Variants in GAN observed in about 807,000 individuals in gnomAD.
GAN encodes the protein gigaxonin, also known as epididymis secretory sperm binding protein.
In GAN, 48 loss-of-function variants were observed where a neutral mutation model predicts 71.3. The ratio of observed to expected loss-of-function variants is 0.67; its 90% CI spans 0.53 to 0.86. The LOEUF (loss-of-function observed/expected upper bound fraction) is 0.86. Among genes scored for constraint, GAN ranks in the 40% least tolerant of loss-of-function variants. The probability of loss-of-function intolerance (pLI) is 0.00; values close to 1 mark genes in which losing one functional copy is unlikely to be tolerated. For synonymous variants in GAN, 386 were observed against 276.8 expected (o/e 1.39, Z -3.92); for missense variants, 928 against 770.1 (o/e 1.21, Z -2.43).
At chr16:81,348,537 G>A (rs1910196227) in intron 1 of GAN, among the ~76,000 whole-genome samples, 1 of 152,160 alleles carries the variant, frequency 6.6e-6, no homozygotes, top group South Asian at 2.1e-4. Context: ...GCAAGTATGT[G>A]AAGATACTGA....
chr16:81,321,611 G>A (rs1485130240), intron 1 of GAN, among the ~76,000 whole-genome samples: 1 of 152,062 alleles, frequency 6.6e-6, no homozygotes, highest in Non-Finnish European at 1.5e-5. Flanking sequence ...TATCAAAGTG[G>A]GACTTAAAAT....
In GAN at chr16:81,365,125, G is replaced by C. The variant is rs747810834; in HGVS notation, c.1373+15G>C. ...AAAGAGAGGAGGTACGTGGCTGTGG[G>C]GTGGACTTTGTAGATTCCCTTGCTG... On this transcript the variant is annotated intron_variant, in intron 8 of 10. Coordinates refer to ENST00000648994, the MANE Select transcript of GAN (RefSeq NM_022041.4). 1 of 1,612,634 alleles carries C rather than the reference G, an allele frequency of 6.2e-7. No individual in the cohort carries two copies. The highest frequency in any genetic ancestry group is 8.5e-7 in the Non-Finnish European group (1 of 1,179,356).
chr16:81,376,688 G>GTATA (rs199844605), intron 9 of GAN, among the ~76,000 whole-genome samples: 1 of 150,822 alleles, frequency 6.6e-6, no homozygotes, highest in African/African-American at 2.5e-5. Flanking sequence ...GTGTATATGT[G>GTATA]TATATATATG....
intron 1 of GAN, among the ~76,000 whole-genome samples, chr16:81,331,169 C>T (rs986334383): frequency 2.0e-5 from 3 of 152,156 alleles, no homozygotes; most frequent in Non-Finnish European, 2.9e-5. Flanking sequence ...CGCACCACTG[C>T]GCTCTACCCT....
At chr16:81,331,072 G>A (rs1264528512) in intron 1 of GAN, among the ~76,000 whole-genome samples, 1 of 152,190 alleles carries the variant, frequency 6.6e-6, no homozygotes, top group Non-Finnish European at 1.5e-5. Flanking sequence ...AGGCATGGTG[G>A]CGCACACCTG....
At chr16:81,371,155 G>C (rs1476482377) in intron 9 of GAN, among the ~76,000 whole-genome samples, 1 of 152,256 alleles carries the variant, frequency 6.6e-6, no homozygotes, top group East Asian at 1.9e-4. Context: ...AAATGTTTGT[G>C]TACTTTGTTT....
chr16:81,334,403 C>A (rs995891553), intron 1 of GAN, among the ~76,000 whole-genome samples: 1 of 152,118 alleles, frequency 6.6e-6, no homozygotes, highest in African/African-American at 2.4e-5. Context: ...GGAAAGTAAA[C>A]CCTTGATTTT....
At chr16:81,373,934 G>A (rs976920695) in intron 9 of GAN, among the ~76,000 whole-genome samples, 1 of 152,160 alleles carries the variant, frequency 6.6e-6, no homozygotes, top group Non-Finnish European at 1.5e-5. Flanking sequence ...GTAGAGATGA[G>A]GTTTCACCAT....
At position 81,388,190 on chromosome 16, in the gene GAN, G is replaced by A. The variant is rs1904459885; in HGVS notation, c.*10594G>A. 1 of 152,184 alleles carries A rather than the reference G, an allele frequency of 6.6e-6. No individual in the cohort carries two copies. Among genetic ancestry groups the A allele is most frequent in the African/African-American group, 2.4e-5 (1 of 41,416 alleles). 9.4% of individuals were successfully genotyped at this position (152,184 alleles called of 1,614,324 possible). A position where few individuals can be genotyped will look rare whatever the true frequency, so the allele number is the denominator to read the frequency against. On this transcript the variant is annotated 3_prime_UTR_variant, in exon 11 of 11. Transcript: ENST00000648994. ...GGATAGCTTTCCCACCCTGCCCTCT[G>A]CTCCTCTGTCCCAACCCTCTTCCAG...
At chr16:81,376,485 GTGTGTGTGTGTGTGTGTGTGTGTGTA>G (rs1344255768) in intron 9 of GAN, among the ~76,000 whole-genome samples, 4 of 147,670 alleles carry the variant, frequency 2.7e-5, no homozygotes, top group Non-Finnish European at 6.0e-5. Flanking sequence ...GTGTGTGTGT[GTGTGTGTGTGTGTGTGTGTGTGTGTA>G]TGTGTGTGTG....
At chr16:81,362,047 T>G (rs1363017940) in intron 5 of GAN, among the ~76,000 whole-genome samples, 1 of 152,190 alleles carries the variant, frequency 6.6e-6, no homozygotes, top group Non-Finnish European at 1.5e-5. Flanking sequence ...CGCCATTACA[T>G]GAAATCGGAA....
At chr16:81,370,829 C>A (rs1230918609) in intron 9 of GAN, among the ~76,000 whole-genome samples, 1 of 152,258 alleles carries the variant, frequency 6.6e-6, no homozygotes, top group South Asian at 2.1e-4. Flanking sequence ...TTACTTCCAT[C>A]CTTTTACTTA....
Position 81,377,547 on chromosome 16 carries a change from G to T in GAN, c.1745G>T (p.Arg582Leu), listed in dbSNP as rs773845697. The change falls in exon 11 of 11, where the codon CGC becomes CTC. Residue 582 changes from arginine to leucine, a missense_variant. By Grantham distance (102) the Arg-to-Leu change is moderately radical. Transcript: ENST00000648994. ...CGCATTGCGAATTGCAAGCTTTTCCGCCTGCAGCTTCAGCAAGGCTTATTC... is the reference window on the plus strand; with the variant it reads ...CGCATTGCGAATTGCAAGCTTTTCCTCCTGCAGCTTCAGCAAGGCTTATTC... ...ALRIANCKLF[R>L]LQLQQGLFRI... 5.0e-6 allele frequency: 8 copies of T among 1,614,046 alleles called. No homozygotes were observed. Among genetic ancestry groups the T allele is most frequent in the Non-Finnish European group, 8.5e-7 (1 of 1,180,028 alleles).
rs924502320 is a variant in GAN, at chr16:81,385,698, T to C, written c.*8102T>C. 1.3e-5 allele frequency: 2 copies of C among 152,096 alleles called. No homozygotes were observed. The highest frequency in any genetic ancestry group is 2.9e-5 in the Non-Finnish European group (2 of 68,072). 9.4% of individuals were successfully genotyped at this position (152,096 alleles called of 1,614,324 possible). On this transcript the variant is annotated 3_prime_UTR_variant, in exon 11 of 11. Transcript: ENST00000648994. ...CACTGAGTGTCCCAGGCCTTATAGC[T>C]TTCCACATTCTCACGTCTGCTGCCA...
intron 1 of GAN, among the ~76,000 whole-genome samples, chr16:81,326,076 A>G (rs1159902420): frequency 6.6e-6 from 1 of 152,178 alleles, no homozygotes; most frequent in Non-Finnish European, 1.5e-5. Context: ...CCTTTAGTTC[A>G]TGGTGTGTGC....
Position 81,363,824 on chromosome 16 carries a change from G to C in GAN, c.1117G>C (p.Asp373His). The stretch of plus-strand genomic sequence containing the variant: ...ACATAACTTCGGAATTGTGGAGATA[G>C]ATGGGATGCTGTACATTTTGGGAGG... The part of the protein sequence containing the change: ...ARHNFGIVEI[D>H]GMLYILGGED... Residue 373 changes from aspartate (D) to histidine (H), a missense_variant, in exon 7 of 11, where the codon GAT becomes CAT. By Grantham distance (81) the Asp-to-His change is moderately conservative. Transcript: ENST00000648994. 1 of 1,613,464 alleles carries C rather than the reference G, an allele frequency of 6.2e-7. No homozygotes were observed. Among genetic ancestry groups the C allele is most frequent in the Non-Finnish European group, 8.5e-7 (1 of 1,179,358 alleles).
intron 8 of GAN, 23 bp downstream of exon 8, chr16:81,365,133 T>C (rs1910809125): frequency 1.2e-6 from 2 of 1,611,492 alleles, no homozygotes; most frequent in Non-Finnish European, 1.7e-6. Context: ...GGGGTGGACT[T>C]TGTAGATTCC....
chr16:81,345,046 A>G (rs1331012675), intron 1 of GAN, among the ~76,000 whole-genome samples: 5 of 152,214 alleles, frequency 3.3e-5, no homozygotes, highest in Non-Finnish European at 7.3e-5. Flanking sequence ...CAAAACCACA[A>G]TGAGATACCA....
At chr16:81,367,302 C>T (rs1177122753) in intron 9 of GAN, among the ~76,000 whole-genome samples, 2 of 152,026 alleles carry the variant, frequency 1.3e-5, no homozygotes, top group Non-Finnish European at 2.9e-5. Context: ...GCGGGCAGAT[C>T]ACTTGAGGCC....
Sources: gnomAD v4.1 joint callset for allele counts (sites outside exome capture counted in the v4.1 genomes callset) on GRCh38, gnomAD v4.1.1 for gene constraint, MANE v1.5 for transcripts, NCBI Gene and HGNC (gene_info 2026-07-23, HGNC 2026-07-21) for gene names.